The following ARMC9 variants were observed in gnomAD, a reference collection of about 807,000 sequenced individuals.
The protein encoded by ARMC9 is armadillo repeat containing 9, also known as lisH domain-containing protein ARMC9.
Under a neutral mutation model 107.0 loss-of-function variants are expected in ARMC9, and 94 were observed. That is an observed-to-expected ratio of 0.88 (90% confidence interval 0.74 to 1.04). ARMC9 has a LOEUF of 1.04. Ranked by LOEUF, ARMC9 falls within the 50% of genes least tolerant of loss-of-function variation. The pLI, the probability that ARMC9 is intolerant of heterozygous loss-of-function variation, is 0.00. For missense variants in ARMC9, 942 were observed against 1,030.1 expected (o/e 0.91, Z 1.17); for synonymous variants, 380 against 396.9 (o/e 0.96, Z 0.51).
chr2:231,323,389 A>AT (rs1186583843), intron 19 of ARMC9, among the ~76,000 whole-genome samples: 1 of 152,226 alleles, frequency 6.6e-6, no homozygotes, highest in Non-Finnish European at 1.5e-5. Flanking sequence ...GCTATCAGCA[A>AT]GCTTCATTGC....
At chr2:231,331,332 CAGAA>C (rs1408442285) in intron 19 of ARMC9, among the ~76,000 whole-genome samples, 1 of 152,212 alleles carries the variant, frequency 6.6e-6, no homozygotes, top group Non-Finnish European at 1.5e-5. Flanking sequence ...TTCCCAGAAG[CAGAA>C]CGGTGCTGCC....
intron 23 of ARMC9, among the ~76,000 whole-genome samples, chr2:231,366,093 G>A (rs919011606): frequency 6.6e-6 from 1 of 152,230 alleles, no homozygotes; most frequent in African/African-American, 2.4e-5. Flanking sequence ...TCATGTGATT[G>A]GAGAGGCTTG....
chr2:231,359,906 T>G (rs558856006), intron 22 of ARMC9, among the ~76,000 whole-genome samples: 1 of 152,246 alleles, frequency 6.6e-6, no homozygotes, highest in South Asian at 2.1e-4. Flanking sequence ...CCCTTTATAT[T>G]TAAGATTAAA....
rs200202988 is a variant in ARMC9 at position 231,348,892 on chromosome 2, A to AC, written c.1994+3807dup. On this transcript the variant is annotated intron_variant, in intron 21 of 24. Coordinates refer to ENST00000611582, the MANE Select transcript of ARMC9 (RefSeq NM_001352754.2). Reference sequence around the variant, plus strand: ...CAACACTACACTGAGATACCCTCTCACCCCCGTTAAAACGGCTTATCTCCA... The same window carrying AC: ...CAACACTACACTGAGATACCCTCTCACCCCCCGTTAAAACGGCTTATCTCCA... Among the ~76,000 whole-genome samples the AC allele has an allele frequency of 5.3e-3, 810 of 152,318 alleles. 4 individuals are homozygous for AC. The highest frequency in any genetic ancestry group is 0.018 in the African/African-American group (744 of 41,558).
intron 13 of ARMC9, among the ~76,000 whole-genome samples, chr2:231,272,362 G>A (rs1044264336): frequency 5.3e-5 from 8 of 151,806 alleles, no homozygotes; most frequent in Non-Finnish European, 1.5e-5. Flanking sequence ...CCTGGCTAAT[G>A]TTCCTTAGTT....
intron 21 of ARMC9, among the ~76,000 whole-genome samples, chr2:231,352,588 T>A (rs959769384): frequency 1.1e-4 from 16 of 151,630 alleles, no homozygotes; most frequent in African/African-American, 3.9e-4. Flanking sequence ...CTTCCCAAAG[T>A]GCTGGGATTA....
intron 19 of ARMC9, among the ~76,000 whole-genome samples, chr2:231,326,919 G>A (rs1208719032): frequency 6.6e-6 from 1 of 152,136 alleles, no homozygotes; most frequent in African/African-American, 2.4e-5. Context: ...GGAGTCAAAG[G>A]GAAGGACTGG....
At chr2:231,239,862 C>A in intron 8 of ARMC9, 81 bp from the exon 9 acceptor site, 1 of 1,197,844 alleles carries the variant, frequency 8.3e-7, no homozygotes, top group Non-Finnish European at 1.2e-6. Context: ...TGAGAGACCA[C>A]TCTAACAATT....
intron 2 of ARMC9, 68 bp downstream of exon 2, chr2:231,206,357 A>G (rs1392259811): frequency 1.5e-6 from 2 of 1,340,372 alleles, no homozygotes; most frequent in Non-Finnish European, 2.1e-6. Flanking sequence ...TTAAAATGCA[A>G]CAAACTATTT....
intron 7 of ARMC9, among the ~76,000 whole-genome samples, chr2:231,232,025 CTT>C (rs575702443): frequency 0.11 from 13,233 of 121,290 alleles, 1,144 homozygotes; most frequent in African/African-American, 0.27. Flanking sequence ...TAACACATTC[CTT>C]TTTTTTTTTT....
At chr2:231,288,603 T>G (rs529405195) in intron 17 of ARMC9, 2 of 471,180 alleles carry the variant, frequency 4.2e-6, no homozygotes, top group South Asian at 1.5e-5. Context: ...TGTGTAGTGT[T>G]CAGTGCGTGT....
intron 7 of ARMC9, among the ~76,000 whole-genome samples, chr2:231,231,529 G>T (rs955242438): frequency 6.6e-6 from 1 of 151,838 alleles, no homozygotes; most frequent in African/African-American, 2.4e-5. Flanking sequence ...GATTACAGGC[G>T]CATGCCACCA....
rs116143245 is a variant in ARMC9 at position 231,255,407 on chromosome 2, C to A, written c.880-1179C>A. Among the ~76,000 whole-genome samples the A allele has an allele frequency of 1.3e-5, 2 of 152,072 alleles. No individual in the cohort carries two copies. The highest frequency in any genetic ancestry group is 1.9e-4 in the East Asian group (1 of 5,198). On this transcript the variant is annotated intron_variant, in intron 9 of 24. Coordinates refer to ENST00000611582, the MANE Select transcript of ARMC9 (RefSeq NM_001352754.2). The surrounding 1 kb of genome is among the most constrained non-coding windows in gnomAD (Gnocchi z 4.7). Reference sequence around the variant, plus strand: ...GAGAAAATCTTAATAAAGAAAAAAACCAGAATAATATAATGATTCATATTG... The same window carrying A: ...GAGAAAATCTTAATAAAGAAAAAAAACAGAATAATATAATGATTCATATTG...
At chr2:231,348,846 T>C (rs182748420) in intron 21 of ARMC9, among the ~76,000 whole-genome samples, 31 of 152,334 alleles carry the variant, frequency 2.0e-4, no homozygotes, top group Non-Finnish European at 3.7e-4. Flanking sequence ...CTCAGCATCA[T>C]TGATCATCAG....
chr2:231,319,432 T>C (rs1270653960), intron 19 of ARMC9, among the ~76,000 whole-genome samples: 2 of 152,150 alleles, frequency 1.3e-5, no homozygotes, highest in South Asian at 4.1e-4. Context: ...ACCTGAGCAA[T>C]GCTCAGCCCA....
chr2:231,211,247 G>T (rs796727072), intron 3 of ARMC9, among the ~76,000 whole-genome samples: 2 of 151,892 alleles, frequency 1.3e-5, no homozygotes, highest in Non-Finnish European at 2.9e-5. Context: ...GGGGCTGGGC[G>T]TGGTGGCTCA....
At chr2:231,294,579 T>TA (rs1293096827) in intron 18 of ARMC9, 4 of 152,438 alleles carry the variant, frequency 2.6e-5, no homozygotes, top group African/African-American at 9.7e-5. Context: ...GGGATGAGTC[T>TA]GAGCCAGCAG....
chr2:231,223,940 CT>C lies in ARMC9; in HGVS notation c.597+1122del, dbSNP rs568468892. On this transcript the variant is annotated intron_variant, in intron 6 of 24. Coordinates refer to ENST00000611582, the MANE Select transcript of ARMC9 (RefSeq NM_001352754.2). ...TGAAACTAGAACTTTTCCAACTTGA[CT>C]TATAATTATTTGAATACGCTTTAAA... is the stretch of plus-strand genomic sequence containing the variant. 1.9e-3 allele frequency among the ~76,000 whole-genome samples: 296 copies of C among 152,228 alleles called. 1 individual carries two copies. Among genetic ancestry groups the C allele is most frequent in the African/African-American group, 6.8e-3 (284 of 41,514 alleles).
chr2:231,256,473 C>G (rs950896758), intron 9 of ARMC9, 113 bp from the exon 10 acceptor site: 1 of 1,418,574 alleles, frequency 7.0e-7, no homozygotes, highest in African/African-American at 1.4e-5. Context: ...AAAAAAAACC[C>G]AAAAAACCTA....
Sources: gnomAD v4.1 joint callset for allele counts (sites outside exome capture counted in the v4.1 genomes callset) on GRCh38, gnomAD v4.1.1 for gene constraint, Gnocchi (gnomAD v3.1) non-coding constraint, MANE v1.5 for transcripts, NCBI Gene and HGNC (gene_info 2026-07-23, HGNC 2026-07-21) for gene names.